Variants in TRDN observed in about 807,000 individuals in gnomAD.
TRDN encodes triadin.
In TRDN, 161 loss-of-function variants were observed where a neutral mutation model predicts 149.7. The ratio of observed to expected loss-of-function variants is 1.08; its 90% confidence interval spans 0.95 to 1.23. The LOEUF is 1.23. TRDN is among the 50% of genes most tolerant of loss of function. The pLI, the probability that TRDN is intolerant of heterozygous loss-of-function variation, is 0.00. For missense variants in TRDN, 896 were observed against 823.5 expected (o/e 1.09, Z -1.08); for synonymous variants, 294 against 250.5 (o/e 1.17, Z -1.64).
chr6:123,328,670 T>TGA (rs1779553296), intron 23 of TRDN, among the ~76,000 whole-genome samples: 1 of 152,142 alleles, frequency 6.6e-6, no homozygotes, highest in Non-Finnish European at 1.5e-5. Context: ...GATGAGGGGC[T>TGA]GAGTTTATTT....
chr6:123,519,614 G>A (rs1779579117), intron 5 of TRDN, among the ~76,000 whole-genome samples: 1 of 151,144 alleles, frequency 6.6e-6, no homozygotes, highest in Non-Finnish European at 1.5e-5. Flanking sequence ...GTAAAGTACT[G>A]ATTTGTATAG....
chr6:123,567,196 C>T (rs1782337121), intron 2 of TRDN, among the ~76,000 whole-genome samples: 1 of 152,176 alleles, frequency 6.6e-6, no homozygotes, highest in African/African-American at 2.4e-5. Flanking sequence ...ACATTATAGA[C>T]ATTACAACTG....
At chr6:123,318,549 G>A (rs1349000607) in intron 23 of TRDN, among the ~76,000 whole-genome samples, 2 of 151,922 alleles carry the variant, frequency 1.3e-5, no homozygotes, top group Non-Finnish European at 2.9e-5. Flanking sequence ...TTCTGTTTCC[G>A]AAGTATGGCT....
intron 12 of TRDN, among the ~76,000 whole-genome samples, chr6:123,416,217 C>T (rs1773643167): frequency 6.6e-6 from 1 of 152,124 alleles, no homozygotes; most frequent in South Asian, 2.1e-4. Context: ...TTTATAATTG[C>T]TTAAAATGAT....
intron 12 of TRDN, among the ~76,000 whole-genome samples, chr6:123,394,629 A>G (rs1194966475): frequency 6.6e-6 from 1 of 152,124 alleles, no homozygotes; most frequent in East Asian, 1.9e-4. Flanking sequence ...AATGTTGATT[A>G]TAACTTGTTT....
intron 12 of TRDN, among the ~76,000 whole-genome samples, chr6:123,400,233 T>A (rs1257873045): frequency 7.2e-6 from 1 of 139,428 alleles, no homozygotes; most frequent in East Asian, 2.1e-4. Flanking sequence ...GAAACAAAAT[T>A]TCTGATTTAG....
chr6:123,351,161 T>A, intron 21 of TRDN: 1 of 984,398 alleles, frequency 1.0e-6, no homozygotes, highest in East Asian at 1.1e-4. Flanking sequence ...CTCAATGAAA[T>A]CAAAGTAATT....
chr6:123,579,220 G>C (rs1300229692), intron 1 of TRDN, among the ~76,000 whole-genome samples: 1 of 152,082 alleles, frequency 6.6e-6, no homozygotes, highest in Non-Finnish European at 1.5e-5. Context: ...TCTTGTGCTG[G>C]TTTTCAAGGG....
At chr6:123,386,450 A>G (rs374192484) in intron 14 of TRDN, among the ~76,000 whole-genome samples, 3 of 152,230 alleles carry the variant, frequency 2.0e-5, no homozygotes, top group African/African-American at 7.2e-5. Flanking sequence ...AGAATATCAG[A>G]TAACAGCTCA....
chr6:123,293,251 C>G (rs145178400), intron 24 of TRDN, among the ~76,000 whole-genome samples: 1 of 152,084 alleles, frequency 6.6e-6, no homozygotes, highest in Non-Finnish European at 1.5e-5. Context: ...TATTCAAACC[C>G]CTGCTTGGTA....
intron 19 of TRDN, among the ~76,000 whole-genome samples, chr6:123,368,423 A>C (rs115758290): frequency 0.013 from 1,955 of 152,308 alleles, 41 homozygotes; most frequent in African/African-American, 0.045. Flanking sequence ...TCTGCACCTT[A>C]GAATAAGCTG....
chr6:123,393,337 A>G (rs1276639947), intron 13 of TRDN, among the ~76,000 whole-genome samples: 1 of 152,108 alleles, frequency 6.6e-6, no homozygotes, highest in Non-Finnish European at 1.5e-5. Flanking sequence ...ATGCACATCA[A>G]TGGATTATTT....
chr6:123,238,431 T>C (rs1331600880), intron 38 of TRDN, among the ~76,000 whole-genome samples: 2 of 151,884 alleles, frequency 1.3e-5, no homozygotes, highest in East Asian at 3.9e-4. Flanking sequence ...GTAAGGATAA[T>C]CACTAAAGTA....
At chr6:123,309,040 C>T (rs1189830717) in intron 24 of TRDN, among the ~76,000 whole-genome samples, 2 of 151,824 alleles carry the variant, frequency 1.3e-5, no homozygotes, top group African/African-American at 4.8e-5. Flanking sequence ...TTATGTTGCT[C>T]CTACTTTTAT....
chr6:123,518,135 A>G (rs933778284), intron 5 of TRDN, among the ~76,000 whole-genome samples: 3 of 152,200 alleles, frequency 2.0e-5, no homozygotes, highest in South Asian at 4.1e-4. Context: ...ACTTTTGACA[A>G]TTTATTGAAA....
intron 32 of TRDN, among the ~76,000 whole-genome samples, 152 bp downstream of exon 32, chr6:123,267,555 T>G (rs976922911): frequency 6.6e-6 from 1 of 152,072 alleles, no homozygotes; most frequent in African/African-American, 2.4e-5. Flanking sequence ...ATATTGCCCT[T>G]AGGTCAGATA....
At chr6:123,350,127 T>C (rs950108085) in intron 21 of TRDN, 56 of 973,206 alleles carry the variant, frequency 5.8e-5, no homozygotes, top group Non-Finnish European at 6.6e-5. Flanking sequence ...CTAACTGTGT[T>C]AAAATTTATT....
At chr6:123,417,601 T>C (rs928517251) in intron 12 of TRDN, among the ~76,000 whole-genome samples, 1 of 152,096 alleles carries the variant, frequency 6.6e-6, no homozygotes, top group Admixed American at 6.6e-5. Context: ...TTTTCCTCAT[T>C]CCCCCACGTA....
Position 123,272,976 on chromosome 6 carries a change from G to C in TRDN, c.1660C>G (p.His554Asp), listed in dbSNP as rs749072053. Residue 554 changes from histidine to aspartate, a missense_variant, in exon 29 of 41, where the codon CAT becomes GAT. Coordinates refer to ENST00000334268, the MANE Select transcript of TRDN (RefSeq NM_006073.4). ...ACCTGCAAAATACCTGGTTTACCAT[G>C]AGAAACAGTCTTTTCTGGTTTCACT... ...DIVKPEKTVS[H>D]GKPEEKVLKQ... 5.2e-6 allele frequency: 8 copies of C among 1,529,914 alleles called. No individual in the cohort carries two copies. The highest frequency in any genetic ancestry group is 3.4e-4 in the Middle Eastern group (2 of 5,902). 94.8% of individuals were successfully genotyped at this position (1,529,914 alleles called of 1,614,324 possible).
Sources: allele counts gnomAD v4.1 joint callset (sites outside exome capture counted in the v4.1 genomes callset), GRCh38; gene constraint gnomAD v4.1.1; transcripts MANE v1.5; gene names NCBI Gene and HGNC (gene_info 2026-07-23, HGNC 2026-07-21).